PRKG1: variants seen among roughly 807,000 people sequenced by gnomAD.
The protein encoded by PRKG1 is cGMP-dependent protein kinase 1.
A neutral mutation model predicts 88.1 loss-of-function variants in PRKG1; 35 were observed. The observed-to-expected ratio is 0.40, with a 90% CI of 0.30 to 0.53. The LOEUF is 0.53. Among genes scored for constraint, PRKG1 ranks in the 20% least tolerant of loss-of-function variants. PRKG1 has a pLI of 0.59. For missense variants in PRKG1, 540 were observed against 839.8 expected, an observed-to-expected ratio of 0.64 and a Z score of 4.41; for synonymous variants, 303 against 292.5, an observed-to-expected ratio of 1.04 and a Z score of -0.37.
At chr10:52,003,880 A>C (rs1340809647) in intron 5 of PRKG1, among the ~76,000 whole-genome samples, 1 of 152,182 alleles carries the variant, frequency 6.6e-6, no homozygotes, top group Non-Finnish European at 1.5e-5. Context: ...CTGAAGTCAG[A>C]CTTCCTGCAC....
chr10:51,371,610 C>T (rs1842708096), intron 2 of PRKG1, among the ~76,000 whole-genome samples: 1 of 152,146 alleles, frequency 6.6e-6, no homozygotes, highest in Non-Finnish European at 1.5e-5. Context: ...GAGTAACACT[C>T]CTATTCCCAT....
chr10:51,076,505 A>G (rs1843955999), intron 1 of PRKG1, among the ~76,000 whole-genome samples: 1 of 152,248 alleles, frequency 6.6e-6, no homozygotes, highest in African/African-American at 2.4e-5. Flanking sequence ...AACATTTCAT[A>G]GGATCTCATT....
At position 52,122,074 on chromosome 10, in the gene PRKG1, C is replaced by T. The variant is rs1467848935; in HGVS notation, c.936-11766C>T. Among the ~76,000 whole-genome samples the T allele has an allele frequency of 2.6e-5, 4 of 152,216 alleles. No homozygotes were observed. In the East Asian group the frequency reaches 5.8e-4, roughly 22 times the overall value. On this transcript the variant is annotated intron_variant, in intron 7 of 17. Transcript: ENST00000373980. Reference sequence around the variant, plus strand: ...AAAGAACAGAGATTAACTTGTTATACTTTGAGACACTGGGATGTCCAAGGT... The same window carrying T: ...AAAGAACAGAGATTAACTTGTTATATTTTGAGACACTGGGATGTCCAAGGT...
At chr10:51,645,074 G>A (rs1003768119) in intron 3 of PRKG1, among the ~76,000 whole-genome samples, 3 of 152,052 alleles carry the variant, frequency 2.0e-5, no homozygotes, top group African/African-American at 7.2e-5. Flanking sequence ...TGTCTGCCTC[G>A]GTCTCCAAAA....
At chr10:52,105,840 T>A (rs1589610600) in intron 7 of PRKG1, among the ~76,000 whole-genome samples, 1 of 151,990 alleles carries the variant, frequency 6.6e-6, no homozygotes, top group African/African-American at 2.4e-5. Flanking sequence ...ATTTCAATAG[T>A]TTTTTGGGAG....
intron 1 of PRKG1, among the ~76,000 whole-genome samples, chr10:51,001,184 A>G (rs1338495802): frequency 6.6e-6 from 1 of 152,314 alleles, no homozygotes; most frequent in East Asian, 1.9e-4. Flanking sequence ...CCTAGAAATA[A>G]TAAAGGATGC....
chr10:51,481,195 C>T (rs1840345971), intron 3 of PRKG1, among the ~76,000 whole-genome samples: 1 of 131,512 alleles, frequency 7.6e-6, no homozygotes, highest in Non-Finnish European at 1.7e-5. Context: ...TTCCCTCCCT[C>T]TCTCCCTCCC....
rs141651579 is a variant in PRKG1, at chr10:51,838,038, A to G, written c.698+33348A>G. Among the ~76,000 whole-genome samples, 802 of 151,334 alleles carry G rather than the reference A, an allele frequency of 5.3e-3. 5 individuals are homozygous for G. Among genetic ancestry groups the G allele is most frequent in the African/African-American group, 0.018 (745 of 40,672 alleles). On this transcript the variant is annotated intron_variant, in intron 4 of 17. Coordinates refer to ENST00000373980, the MANE Select transcript of PRKG1 (RefSeq NM_006258.4). ...TCTTATCTGGGAAAGTCTAAAGCCA[A>G]TTTACTTAACTTGCAACTCTCTTTG...
chr10:51,499,819 G>A (rs1038848591), intron 3 of PRKG1, among the ~76,000 whole-genome samples: 4 of 152,078 alleles, frequency 2.6e-5, no homozygotes, highest in Non-Finnish European at 5.9e-5. Context: ...ACATTAGTTG[G>A]GCTTGTTGAT....
chr10:52,089,937 C>G (rs1847013019), intron 7 of PRKG1, among the ~76,000 whole-genome samples: 1 of 151,114 alleles, frequency 6.6e-6, no homozygotes, highest in Non-Finnish European at 1.5e-5. Flanking sequence ...GCTTCAGCCT[C>G]CCGAGTAGCT....
At position 52,257,857 on chromosome 10, in the gene PRKG1, A is replaced by G. The variant is rs1052126080; in HGVS notation, c.1173+6191A>G. On this transcript the variant is annotated intron_variant, in intron 10 of 17. Coordinates refer to ENST00000373980, the MANE Select transcript of PRKG1 (RefSeq NM_006258.4). ...CCCATCTAATAAACACTAATTGAGC[A>G]TCAGTAGGTGTAGTAACAATATACT... 5.7e-5 allele frequency among the ~76,000 whole-genome samples: 8 copies of G among 139,646 alleles called. 2 individuals are homozygous for G. In the Admixed American group the frequency reaches 6.0e-4, roughly 10 times the overall value. 91.6% of individuals were successfully genotyped at this position (139,646 alleles called of 152,430 possible). A position where few individuals can be genotyped will look rare whatever the true frequency, so the allele number is the denominator to read the frequency against.
chr10:51,548,740 T>A (rs546317208), intron 3 of PRKG1, among the ~76,000 whole-genome samples: 13 of 152,244 alleles, frequency 8.5e-5, no homozygotes, highest in South Asian at 6.2e-4. Flanking sequence ...TTGGGTATAC[T>A]GGCCTTAGAC....
At chr10:51,627,796 G>A (rs1485521973) in intron 3 of PRKG1, among the ~76,000 whole-genome samples, 1 of 151,996 alleles carries the variant, frequency 6.6e-6, no homozygotes, top group Non-Finnish European at 1.5e-5. Flanking sequence ...AAAGCCTTCT[G>A]AAATGGTAGA....
intron 9 of PRKG1, among the ~76,000 whole-genome samples, chr10:52,175,578 T>G (rs1325650981): frequency 1.3e-5 from 2 of 152,114 alleles, no homozygotes; most frequent in African/African-American, 4.8e-5. Context: ...CATACTGTTC[T>G]CCATAGTGGA....
At chr10:51,935,512 T>A (rs1321862076) in intron 5 of PRKG1, among the ~76,000 whole-genome samples, 1 of 152,128 alleles carries the variant, frequency 6.6e-6, no homozygotes, top group Non-Finnish European at 1.5e-5. Context: ...TGTTTTAACC[T>A]TGGAGCACAG....
intron 3 of PRKG1, among the ~76,000 whole-genome samples, chr10:51,688,010 T>A (rs1841038346): frequency 6.6e-6 from 1 of 152,194 alleles, no homozygotes; most frequent in Admixed American, 6.5e-5. Context: ...TCAGATTGGG[T>A]AAGGATTTTT....
At chr10:51,973,127 T>TG (rs1440883973) in intron 5 of PRKG1, among the ~76,000 whole-genome samples, 1 of 152,174 alleles carries the variant, frequency 6.6e-6, no homozygotes, top group Non-Finnish European at 1.5e-5. Flanking sequence ...TAGGGGAAGG[T>TG]GCAGGCTGAT....
At chr10:52,231,894 C>A (rs913971382) in intron 9 of PRKG1, among the ~76,000 whole-genome samples, 1 of 152,122 alleles carries the variant, frequency 6.6e-6, no homozygotes, top group Admixed American at 6.5e-5. Context: ...CAGATTTGAA[C>A]CTTTTCTAGC....
chr10:51,025,056 G>C (rs968821492), intron 1 of PRKG1, among the ~76,000 whole-genome samples: 17 of 152,136 alleles, frequency 1.1e-4, no homozygotes, highest in Admixed American at 6.6e-4. Context: ...CTGGGTGCAG[G>C]CTAAAAACCC....
Sources: gnomAD v4.1 joint callset for allele counts (sites outside exome capture counted in the v4.1 genomes callset) on GRCh38, gnomAD v4.1.1 for gene constraint, MANE v1.5 for transcripts, NCBI Gene and HGNC (gene_info 2026-07-23, HGNC 2026-07-21) for gene names.